Variants in KCNK12 observed in about 807,000 individuals in gnomAD.
KCNK12 encodes the protein potassium two pore domain channel subfamily K member 12.
Under a neutral mutation model 25.3 loss-of-function variants are expected in KCNK12, and 6 were observed. The observed-to-expected ratio is 0.24, with a 90% CI of 0.13 to 0.47. KCNK12 has a LOEUF of 0.47. Among genes scored for constraint, KCNK12 ranks in the 20% least tolerant of loss-of-function variants. The pLI is 0.99. For synonymous variants in KCNK12, 331 were observed against 311.1 expected (o/e 1.06, Z -0.67); for missense variants, 444 against 661.7 (o/e 0.67, Z 3.61).
At chr2:47,552,814 G>A (rs1669467328) in intron 1 of KCNK12, among the ~76,000 whole-genome samples, 1 of 152,064 alleles carries the variant, frequency 6.6e-6, no homozygotes, top group African/African-American at 2.4e-5. Context: ...CCCACGGTCA[G>A]CCCCTTTGCC....
rs1214703734 is a variant in KCNK12 at position 47,525,786 on chromosome 2, A to G, written c.392-3978T>C. On this transcript the variant is annotated intron_variant, in intron 1 of 1. Coordinates refer to ENST00000327876, the MANE Select transcript of KCNK12 (RefSeq NM_022055.2). This position sits in a 1 kb window ranked among gnomAD's most constrained non-coding sequence, Gnocchi z 4.1. ...GGGATGGAGAGGGCAGTGCCCACTCAGGGAATGGGGCAGGGAGTGGTCCCT... is the reference window on the plus strand; with the variant it reads ...GGGATGGAGAGGGCAGTGCCCACTCGGGGAATGGGGCAGGGAGTGGTCCCT... 6.6e-6 allele frequency among the ~76,000 whole-genome samples: 1 copy of G among 152,172 alleles called. No individual in the cohort carries two copies. The highest frequency in any genetic ancestry group is 1.5e-5 in the Non-Finnish European group (1 of 68,010).
Position 47,521,261 on chromosome 2 carries a change from C to G in KCNK12, c.939G>C (p.Leu313=). Reference sequence around the variant, plus strand: ...AGCAGCGCGCGCAGCAGCGGCAGCTCAGCTTGCGCAGCATCCAGTTGAGCA... The same window carrying G: ...AGCAGCGCGCGCAGCAGCGGCAGCTGAGCTTGCGCAGCATCCAGTTGAGCA... The part of the protein sequence containing the change: ...KQVLNWMLRK[L]SCRCCARCCP... Residue 313 remains leucine (L), a synonymous_variant, in exon 2 of 2, where the codon CTG becomes CTC. Transcript: ENST00000327876. 2 of 1,608,800 alleles carry G rather than the reference C, an allele frequency of 1.2e-6. No individual in the cohort carries two copies. Among genetic ancestry groups the G allele is most frequent in the Non-Finnish European group, 1.7e-6 (2 of 1,178,316 alleles).
intron 1 of KCNK12, among the ~76,000 whole-genome samples, chr2:47,532,458 C>T (rs1668954730): frequency 6.6e-6 from 1 of 152,018 alleles, no homozygotes; most frequent in Non-Finnish European, 1.5e-5. Flanking sequence ...GCCCCCTGGG[C>T]TCAAGTGATC....
intron 1 of KCNK12, among the ~76,000 whole-genome samples, chr2:47,561,876 G>A (rs1669680345): frequency 6.6e-6 from 1 of 152,200 alleles, no homozygotes; most frequent in Non-Finnish European, 1.5e-5. Flanking sequence ...AAACTATACT[G>A]GAAGGAAGGA....
In KCNK12 at chr2:47,517,751, A is replaced by G. The variant is rs961913320; in HGVS notation, c.*3156T>C. On this transcript the variant is annotated 3_prime_UTR_variant, in exon 2 of 2. Coordinates refer to ENST00000327876, the MANE Select transcript of KCNK12 (RefSeq NM_022055.2). This position sits in a 1 kb window ranked among gnomAD's most constrained non-coding sequence, Gnocchi z 4.1. ...CACAAAGGCCTGACCACCTGGCTTTAGCAAGCTAGGACACCCAGGGTGGCT... is the reference window on the plus strand; with the variant it reads ...CACAAAGGCCTGACCACCTGGCTTTGGCAAGCTAGGACACCCAGGGTGGCT... 2 of 152,220 alleles carry G rather than the reference A, an allele frequency of 1.3e-5. No homozygotes were observed. Among genetic ancestry groups the G allele is most frequent in the African/African-American group, 2.4e-5 (1 of 41,442 alleles). The allele number at this position is 152,220 out of a possible 1,614,324, so 9.4% of individuals were successfully genotyped here.
intron 1 of KCNK12, among the ~76,000 whole-genome samples, chr2:47,558,715 G>A (rs570673975): frequency 2.6e-5 from 4 of 152,304 alleles, no homozygotes; most frequent in East Asian, 3.9e-4. Flanking sequence ...CGCGGAGTGC[G>A]ATTCGGAGTT....
In KCNK12 at chr2:47,521,191, G is replaced by A; in HGVS notation, c.1009C>T (p.Pro337Ser). ...APLARRNAIT[P>S]GSRLRRRLAA... ...AGGCGGCGGCGCAGCCGGGAGCCTG[G>A]GGTGATGGCATTGCGCCGGGCCAGG... The change falls in exon 2 of 2, where the codon CCA becomes TCA. Residue 337 changes from proline to serine, a missense_variant. Transcript: ENST00000327876. 6.7e-7 allele frequency: 1 copy of A among 1,486,528 alleles called. No homozygotes were observed. The highest frequency in any genetic ancestry group is 8.9e-7 in the Non-Finnish European group (1 of 1,120,662). 92.1% of individuals were successfully genotyped at this position (1,486,528 alleles called of 1,614,324 possible). A position where few individuals can be genotyped will look rare whatever the true frequency, so the allele number is the denominator to read the frequency against.
chr2:47,526,344 T>G lies in KCNK12; in HGVS notation c.392-4536A>C, dbSNP rs541642363. Among the ~76,000 whole-genome samples, 604 of 147,564 alleles carry G rather than the reference T, an allele frequency of 4.1e-3. 8 individuals are homozygous for G. Among genetic ancestry groups the G allele is most frequent in the African/African-American group, 0.014 (573 of 39,656 alleles). ...TGCCGTGAACCCAGGAGGCGGAGCT[T>G]GCAGTGAGCCGAGATTGCGCCACTG... On this transcript the variant is annotated intron_variant, in intron 1 of 1. Transcript: ENST00000327876.
intron 1 of KCNK12, among the ~76,000 whole-genome samples, chr2:47,537,424 G>A (rs1338349386): frequency 1.3e-5 from 2 of 151,468 alleles, no homozygotes; most frequent in Non-Finnish European, 1.5e-5. Context: ...TCCGCCTCCC[G>A]GGTTCAAGTG....
chr2:47,529,486 T>G lies in KCNK12; in HGVS notation c.392-7678A>C, dbSNP rs1290474432. ...CAAATATTTTGATTTAAATTTCCAT[T>G]GACCTAAAATTTTTGTGGTGGGCAC... On this transcript the variant is annotated intron_variant, in intron 1 of 1. Transcript: ENST00000327876. The surrounding 1 kb of genome is among the most constrained non-coding windows in gnomAD (Gnocchi z 4.3). Among the ~76,000 whole-genome samples, 1 of 152,236 alleles carries G rather than the reference T, an allele frequency of 6.6e-6. No individual in the cohort carries two copies. Among genetic ancestry groups the G allele is most frequent in the Non-Finnish European group, 1.5e-5 (1 of 68,044 alleles).
In KCNK12 at chr2:47,534,424, G is replaced by A. The variant is rs551205140; in HGVS notation, c.392-12616C>T. ...AAGATGACTCATTTACATACAGCCC[G>A]TCTCCAGGCCCCCCCCACCGCCACC... is the stretch of plus-strand genomic sequence containing the variant. On this transcript the variant is annotated intron_variant, in intron 1 of 1. Coordinates refer to ENST00000327876, the MANE Select transcript of KCNK12 (RefSeq NM_022055.2). Among the ~76,000 whole-genome samples, 25 of 128,596 alleles carry A rather than the reference G, an allele frequency of 1.9e-4. 1 individual carries two copies. The East Asian group carries it at 5.7e-3, about 29-fold the overall frequency. The allele number at this position is 128,596 out of a possible 152,430, so 84.4% of individuals were successfully genotyped here.
rs1476279356 is a variant in KCNK12, at chr2:47,525,473, G to T, written c.392-3665C>A. Among the ~76,000 whole-genome samples, 2 of 152,212 alleles carry T rather than the reference G, an allele frequency of 1.3e-5. No homozygotes were observed. Among genetic ancestry groups the T allele is most frequent in the Non-Finnish European group, 2.9e-5 (2 of 68,032 alleles). On this transcript the variant is annotated intron_variant, in intron 1 of 1. Coordinates refer to ENST00000327876, the MANE Select transcript of KCNK12 (RefSeq NM_022055.2). The surrounding 1 kb of genome is among the most constrained non-coding windows in gnomAD (Gnocchi z 4.1). ...TGGGAGAACCCGGCAGTGTCCCCTG[G>T]AGTCCAGAGCTGTGCTGGAGAGTTC... is the stretch of plus-strand genomic sequence containing the variant.
chr2:47,512,599 A>T lies in KCNK12; in HGVS notation c.*8308T>A, dbSNP rs888834446. ...CAGATTCCAGGACTTACAGTGAGAA[A>T]GCGCCTTCTGGGAACTTCACAATGG... On this transcript the variant is annotated 3_prime_UTR_variant, in exon 2 of 2. Coordinates refer to ENST00000327876, the MANE Select transcript of KCNK12 (RefSeq NM_022055.2). The T allele has an allele frequency of 1.3e-6, 1 of 766,254 alleles. No homozygotes were observed. Among genetic ancestry groups the T allele is most frequent in the Admixed American group, 3.0e-5 (1 of 32,904 alleles). The allele number at this position is 766,254 out of a possible 1,614,324, so 47.5% of individuals were successfully genotyped here.
In KCNK12 at chr2:47,521,590, C is replaced by A; in HGVS notation, c.610G>T (p.Asp204Tyr). 6.4e-7 allele frequency: 1 copy of A among 1,561,366 alleles called. No homozygotes were observed. The highest frequency in any genetic ancestry group is 8.7e-7 in the Non-Finnish European group (1 of 1,152,724). ...FRRGSALSEA[D>Y]SLAGWKPSVY... ...GAGGGCTTCCAGCCCGCCAGGCTGT[C>A]GGCCTCCGAGAGCGCGGAGCCGCGG... The change falls in exon 2 of 2, where the codon GAC becomes TAC. Residue 204 changes from aspartate (D) to tyrosine (Y), a missense_variant. By Grantham distance (160) the Asp-to-Tyr change is radical. This residue lies in a region of KCNK12 where 36 missense variants were observed against 36.4 expected (regional missense o/e 0.99). Transcript: ENST00000327876.
chr2:47,524,178 T>A (rs1668720213), intron 1 of KCNK12, among the ~76,000 whole-genome samples: 1 of 152,192 alleles, frequency 6.6e-6, no homozygotes, highest in Non-Finnish European at 1.5e-5. Context: ...AAGAACTTGA[T>A]AGAGGGATTT....
chr2:47,565,696 C>G lies in KCNK12; in HGVS notation c.391+4245G>C, dbSNP rs772447043. On this transcript the variant is annotated intron_variant, in intron 1 of 1. Coordinates refer to ENST00000327876, the MANE Select transcript of KCNK12 (RefSeq NM_022055.2). This position sits in a 1 kb window ranked among gnomAD's most constrained non-coding sequence, Gnocchi z 5.0. ...GTGGAGAGTTTCCATTTAATCTTTT[C>G]AAAGTTAACTGATAAACATCCTTTA... 1.3e-5 allele frequency: 2 copies of G among 152,210 alleles called. No homozygotes were observed. Among genetic ancestry groups the G allele is most frequent in the Admixed American group, 1.3e-4 (2 of 15,286 alleles). 9.4% of individuals were successfully genotyped at this position (152,210 alleles called of 1,614,324 possible).
rs1668744486 is a variant in KCNK12, at chr2:47,525,263, G to A, written c.392-3455C>T. Among the ~76,000 whole-genome samples, 1 of 152,218 alleles carries A rather than the reference G, an allele frequency of 6.6e-6. No individual in the cohort carries two copies. The highest frequency in any genetic ancestry group is 1.5e-5 in the Non-Finnish European group (1 of 68,036). On this transcript the variant is annotated intron_variant, in intron 1 of 1. Transcript: ENST00000327876. This position sits in a 1 kb window ranked among gnomAD's most constrained non-coding sequence, Gnocchi z 4.1. ...CTTCCATCAGTTGGGAAGTTGTTATGGGTAGTTGTTGTGGCAGTGGAGAGT... is the reference window on the plus strand; with the variant it reads ...CTTCCATCAGTTGGGAAGTTGTTATAGGTAGTTGTTGTGGCAGTGGAGAGT...
intron 1 of KCNK12, among the ~76,000 whole-genome samples, chr2:47,524,847 G>C (rs1027042840): frequency 3.9e-5 from 6 of 152,170 alleles, no homozygotes; most frequent in Non-Finnish European, 5.9e-5. Flanking sequence ...AGTAGGGGCT[G>C]AGGGGCTGTG....
Position 47,512,710 on chromosome 2 carries a change from C to T in KCNK12, c.*8197G>A, listed in dbSNP as rs925328792. On this transcript the variant is annotated 3_prime_UTR_variant, in exon 2 of 2. Transcript: ENST00000327876. ...GCATTGCTGAGCAAACTACATTTCCCAGAACTCCTTGTTGGATTCCTTCCA... is the reference window on the plus strand; with the variant it reads ...GCATTGCTGAGCAAACTACATTTCCTAGAACTCCTTGTTGGATTCCTTCCA... The T allele has an allele frequency of 3.1e-6, 1 of 326,496 alleles. No homozygotes were observed. The highest frequency in any genetic ancestry group is 5.6e-6 in the Non-Finnish European group (1 of 178,354). The allele number at this position is 326,496 out of a possible 1,614,324, so 20.2% of individuals were successfully genotyped here. A position where few individuals can be genotyped will look rare whatever the true frequency, so the allele number is the denominator to read the frequency against.
Sources: allele counts gnomAD v4.1 joint callset (sites outside exome capture counted in the v4.1 genomes callset), GRCh38; gene constraint gnomAD v4.1.1; regional missense constraint gnomAD v4.1.1; non-coding constraint Gnocchi (gnomAD v3.1); transcripts MANE v1.5; gene names NCBI Gene and HGNC (gene_info 2026-07-23, HGNC 2026-07-21).